Variants in LHFPL3 observed in about 807,000 individuals in gnomAD.
The protein encoded by LHFPL3 is LHFPL tetraspan subfamily member 3, also known as LHFPL tetraspan subfamily member 3 protein.
LHFPL3 carries 5 observed loss-of-function variants against 19.3 expected under a neutral mutation model. The ratio of observed to expected loss-of-function variants is 0.26; its 90% CI spans 0.14 to 0.54. LHFPL3 has a LOEUF of 0.54. Among genes scored for constraint, LHFPL3 ranks in the 20% least tolerant of loss-of-function variants. The pLI is 0.94. For synonymous variants in LHFPL3, 133 were observed against 126.2 expected, an observed-to-expected ratio of 1.05 and a Z score of -0.36; for missense variants, 249 against 307.4, an observed-to-expected ratio of 0.81 and a Z score of 1.42.
In LHFPL3 at chr7:104,328,746, CAGG is replaced by C. The variant is rs71794813; in HGVS notation, c.-9_-7del. 0.096 allele frequency: 127,103 copies of C among 1,328,480 alleles called. 2,834 individuals are homozygous for C. Among genetic ancestry groups the C allele is most frequent in the Middle Eastern group, 0.11 (510 of 4,626 alleles). The allele number at this position is 1,328,480 out of a possible 1,614,324, so 82.3% of individuals were successfully genotyped here. Reference sequence around the variant, plus strand: ...TGAGAGGCGGGGGGAGGCGGAGGACCAGGAGGAGGAGGAGGAGGAGGAGGAGGG... The same window carrying C: ...TGAGAGGCGGGGGGAGGCGGAGGACCAGGAGGAGGAGGAGGAGGAGGAGGG... On this transcript the variant is annotated 5_prime_UTR_variant, in exon 1 of 3. Coordinates refer to ENST00000424859, the MANE Select transcript of LHFPL3 (RefSeq NM_199000.3). The surrounding 1 kb of genome is among the most constrained non-coding windows in gnomAD (Gnocchi z 4.6).
intron 2 of LHFPL3, among the ~76,000 whole-genome samples, chr7:104,796,017 C>T (rs1038079332): frequency 6.6e-6 from 1 of 152,170 alleles, no homozygotes; most frequent in Non-Finnish European, 1.5e-5. Flanking sequence ...GGGGCTTCTG[C>T]CTTTTGCTGT....
intron 1 of LHFPL3, among the ~76,000 whole-genome samples, chr7:104,693,795 T>G (rs56029748): frequency 0.018 from 2,580 of 142,374 alleles, 74 homozygotes; most frequent in African/African-American, 0.058. Flanking sequence ...AATTGTGGGG[T>G]TTTTTTTTTG....
intron 1 of LHFPL3, among the ~76,000 whole-genome samples, chr7:104,466,468 C>T (rs17137824): frequency 3.3e-5 from 5 of 152,256 alleles, no homozygotes; most frequent in East Asian, 3.9e-4. Flanking sequence ...CAGACAGCTA[C>T]GTATATTGGT....
At chr7:104,574,374 A>G (rs143578345) in intron 1 of LHFPL3, among the ~76,000 whole-genome samples, 562 of 152,360 alleles carry the variant, frequency 3.7e-3, no homozygotes, top group African/African-American at 0.013. Flanking sequence ...TAAAAGTCCT[A>G]TAATATCATT....
intron 2 of LHFPL3, among the ~76,000 whole-genome samples, chr7:104,873,426 A>G (rs1166019894): frequency 6.6e-6 from 1 of 152,214 alleles, no homozygotes; most frequent in African/African-American, 2.4e-5. Flanking sequence ...GTTTGAGATC[A>G]GCCTGGGCAA....
intron 1 of LHFPL3, among the ~76,000 whole-genome samples, chr7:104,334,280 C>T (rs1159076247): frequency 6.6e-6 from 1 of 152,174 alleles, no homozygotes; most frequent in Non-Finnish European, 1.5e-5. Context: ...GGTGCAGTGG[C>T]TCACACCTGT....
chr7:104,372,798 A>G (rs1440194414), intron 1 of LHFPL3, among the ~76,000 whole-genome samples: 1 of 152,212 alleles, frequency 6.6e-6, no homozygotes, highest in Non-Finnish European at 1.5e-5. Context: ...GCAAAGGGCA[A>G]TATACAGGTT....
chr7:104,870,039 A>G (rs1467625132), intron 2 of LHFPL3, among the ~76,000 whole-genome samples: 2 of 152,030 alleles, frequency 1.3e-5, no homozygotes, highest in African/African-American at 4.8e-5. Flanking sequence ...GGAATTGAAC[A>G]ATGAGAACAC....
At chr7:104,451,784 G>C (rs1026211788) in intron 1 of LHFPL3, among the ~76,000 whole-genome samples, 2 of 151,282 alleles carry the variant, frequency 1.3e-5, no homozygotes, top group African/African-American at 4.9e-5. Context: ...TCACTCTGCT[G>C]CTCAGGCTGG....
chr7:104,781,637 T>C (rs1248500142), intron 2 of LHFPL3, among the ~76,000 whole-genome samples: 1 of 152,186 alleles, frequency 6.6e-6, no homozygotes, highest in Non-Finnish European at 1.5e-5. Context: ...TTGACATAGT[T>C]ACTTTCTCCT....
At chr7:104,583,407 C>A (rs1224694922) in intron 1 of LHFPL3, among the ~76,000 whole-genome samples, 1 of 152,198 alleles carries the variant, frequency 6.6e-6, no homozygotes, top group Non-Finnish European at 1.5e-5. Context: ...ATGGGCAGAA[C>A]TTCATGTCTA....
intron 1 of LHFPL3, among the ~76,000 whole-genome samples, chr7:104,391,809 A>G (rs1372092869): frequency 3.3e-5 from 5 of 152,138 alleles, no homozygotes; most frequent in Non-Finnish European, 5.9e-5. Context: ...GATTCTTCCT[A>G]TCCATGAGCA....
chr7:104,594,762 G>C (rs993268164), intron 1 of LHFPL3, among the ~76,000 whole-genome samples: 10 of 152,014 alleles, frequency 6.6e-5, no homozygotes, highest in Middle Eastern at 3.2e-3. Context: ...CTCTAACCTT[G>C]TTTACTTGTT....
At chr7:104,618,240 A>G (rs961874191) in intron 1 of LHFPL3, among the ~76,000 whole-genome samples, 1 of 152,226 alleles carries the variant, frequency 6.6e-6, no homozygotes, top group African/African-American at 2.4e-5. Context: ...GAATAATGAC[A>G]TTCTATAATT....
chr7:104,824,399 AATATATAATATATATTTT>A (rs1466399026), intron 2 of LHFPL3, among the ~76,000 whole-genome samples: 1 of 402 alleles, frequency 2.5e-3, no homozygotes, highest in Non-Finnish European at 0.014. Flanking sequence ...AATTATAGAT[AATATATAATATATATTTT>A]ATATATAATA....
intron 1 of LHFPL3, among the ~76,000 whole-genome samples, chr7:104,463,851 T>G (rs1792723724): frequency 6.6e-6 from 1 of 152,148 alleles, no homozygotes; most frequent in Non-Finnish European, 1.5e-5. Context: ...CCAAACCATA[T>G]TGTCCGTCCC....
chr7:104,761,494 C>A (rs917699535), intron 2 of LHFPL3, among the ~76,000 whole-genome samples: 4 of 152,108 alleles, frequency 2.6e-5, no homozygotes, highest in Admixed American at 6.6e-5. Flanking sequence ...TCAAAGCTTC[C>A]CCCTGTCGTT....
chr7:104,503,640 G>T (rs955841534), intron 1 of LHFPL3, among the ~76,000 whole-genome samples: 3 of 152,042 alleles, frequency 2.0e-5, no homozygotes, highest in Non-Finnish European at 4.4e-5. Flanking sequence ...CATGATCTTG[G>T]CTCACTGCAG....
At chr7:104,736,526 C>T in intron 1 of LHFPL3, 149 bp from the exon 2 acceptor site, 1 of 631,414 alleles carries the variant, frequency 1.6e-6, no homozygotes, top group East Asian at 2.8e-5. Context: ...CACACACACA[C>T]ATTCAGAGTG....
Sources: gnomAD v4.1 joint callset for allele counts (sites outside exome capture counted in the v4.1 genomes callset) on GRCh38, gnomAD v4.1.1 for gene constraint, Gnocchi (gnomAD v3.1) non-coding constraint, MANE v1.5 for transcripts, NCBI Gene and HGNC (gene_info 2026-07-23, HGNC 2026-07-21) for gene names.